Variants in TMTC2 observed in about 807,000 individuals in gnomAD.
The protein encoded by TMTC2 is protein O-mannosyl-transferase TMTC2.
A neutral mutation model predicts 82.4 loss-of-function variants in TMTC2; 43 were observed. That is an observed-to-expected ratio of 0.52 (90% CI 0.41 to 0.67). TMTC2 has a LOEUF of 0.67. Ranked by LOEUF, TMTC2 falls within the 30% of genes least tolerant of loss-of-function variation. The pLI, the probability that TMTC2 is intolerant of heterozygous loss-of-function variation, is 0.00. For missense variants in TMTC2, 919 were observed against 1,012.4 expected (o/e 0.91, Z 1.25); for synonymous variants, 408 against 381.9 (o/e 1.07, Z -0.80).
intron 1 of TMTC2, among the ~76,000 whole-genome samples, chr12:82,779,898 CA>C (rs567322455): frequency 2.0e-5 from 3 of 148,090 alleles, no homozygotes; most frequent in African/African-American, 2.5e-5. Flanking sequence ...GACTCCGTCT[CA>C]AAAAAAAAAT....
intron 8 of TMTC2, among the ~76,000 whole-genome samples, chr12:83,007,954 C>A (rs1357727792): frequency 6.6e-6 from 1 of 152,100 alleles, no homozygotes; most frequent in African/African-American, 2.4e-5. Flanking sequence ...CTACTCTCTT[C>A]TTGCTTGATG....
At chr12:82,913,584 AT>A (rs1458815635) in intron 3 of TMTC2, among the ~76,000 whole-genome samples, 1 of 152,132 alleles carries the variant, frequency 6.6e-6, no homozygotes, top group Non-Finnish European at 1.5e-5. Flanking sequence ...ATCTAGTCAT[AT>A]TTTTTAATTG....
intron 3 of TMTC2, among the ~76,000 whole-genome samples, chr12:82,908,201 C>T (rs1246301873): frequency 6.6e-6 from 1 of 152,040 alleles, no homozygotes; most frequent in Non-Finnish European, 1.5e-5. Flanking sequence ...TATGCATATA[C>T]ATCATATTTG....
rs1279841239 is a variant in TMTC2 at position 82,986,066 on chromosome 12, G to A, written c.2070+20G>A. 3 of 1,613,720 alleles carry A rather than the reference G, an allele frequency of 1.9e-6. No homozygotes were observed. Among genetic ancestry groups the A allele is most frequent in the Non-Finnish European group, 2.5e-6 (3 of 1,179,792 alleles). On this transcript the variant is annotated intron_variant, in intron 8 of 11. Transcript: ENST00000321196. The stretch of plus-strand genomic sequence containing the variant: ...CTAACAGTGAGTAACCGCCTTCCTT[G>A]GTCTTTAAAACTTGGTTTTCTCCAT...
chr12:82,697,334 CAA>C (rs367770708), intron 1 of TMTC2, among the ~76,000 whole-genome samples: 19 of 61,640 alleles, frequency 3.1e-4, no homozygotes, highest in Non-Finnish European at 3.9e-4. Flanking sequence ...CAGCCTGTCT[CAA>C]AAAAAAAAAA....
intron 1 of TMTC2, among the ~76,000 whole-genome samples, chr12:82,792,616 A>T (rs116231452): frequency 1.3e-5 from 2 of 151,974 alleles, no homozygotes; most frequent in African/African-American, 4.8e-5. Context: ...ACAGACGTGC[A>T]TCACCACACC....
At chr12:82,956,335 A>T (rs547361482) in intron 4 of TMTC2, among the ~76,000 whole-genome samples, 62 of 152,296 alleles carry the variant, frequency 4.1e-4, no homozygotes, top group African/African-American at 1.4e-3. Context: ...CAAGAGAAAC[A>T]TCTCACACAT....
At chr12:83,034,301 G>A (rs1182088363) in intron 9 of TMTC2, among the ~76,000 whole-genome samples, 1 of 152,044 alleles carries the variant, frequency 6.6e-6, no homozygotes, top group Non-Finnish European at 1.5e-5. Flanking sequence ...AAAGGGCTAC[G>A]TTCATACAGA....
In TMTC2 at chr12:82,930,513, C is replaced by A; in HGVS notation, c.1566C>A (p.Tyr522Ter). 6.2e-7 allele frequency: 1 copy of A among 1,600,026 alleles called. No homozygotes were observed. Among genetic ancestry groups the A allele is most frequent in the Non-Finnish European group, 8.6e-7 (1 of 1,169,382 alleles). The change falls in exon 4 of 12, where the codon TAC becomes TAA. Residue 522 changes from tyrosine to a stop codon, truncating the protein, a stop_gained. Transcript: ENST00000321196. LOFTEE classifies it high-confidence loss of function. ...GCGCCTATAGAAATGCTTTGTACTA[C>A]CGCAGCAACATGGCTGACATGCTTT... ...AESAYRNALY[Y>*]RSNMADMLYN...
intron 1 of TMTC2, among the ~76,000 whole-genome samples, chr12:82,755,633 A>G (rs1172585469): frequency 6.6e-6 from 1 of 152,194 alleles, no homozygotes; most frequent in Non-Finnish European, 1.5e-5. Flanking sequence ...AGCTGGAGAT[A>G]CAGAATCCTG....
At chr12:82,901,383 C>T (rs543814951) in intron 3 of TMTC2, among the ~76,000 whole-genome samples, 5 of 148,764 alleles carry the variant, frequency 3.4e-5, no homozygotes, top group East Asian at 4.0e-4. Flanking sequence ...TGGCTCACCA[C>T]GACCTCCGAC....
intron 10 of TMTC2, among the ~76,000 whole-genome samples, chr12:83,053,922 A>C (rs1245648257): frequency 6.6e-6 from 1 of 152,090 alleles, no homozygotes; most frequent in Admixed American, 6.6e-5. Flanking sequence ...TATTAATGTC[A>C]TTCAGAAAGT....
In TMTC2 at chr12:83,043,446, T is replaced by C. The variant is rs191815114; in HGVS notation, c.2153-7458T>C. 5.6e-4 allele frequency among the ~76,000 whole-genome samples: 86 copies of C among 152,346 alleles called. 1 individual carries two copies. Among genetic ancestry groups the C allele is most frequent in the African/African-American group, 1.7e-3 (70 of 41,596 alleles). ...CCAGTTAGCCCAATTACTTCCATCTTGGCTTTTCCCCATTTCTAATCATCA... is the reference window on the plus strand; with the variant it reads ...CCAGTTAGCCCAATTACTTCCATCTCGGCTTTTCCCCATTTCTAATCATCA... On this transcript the variant is annotated intron_variant, in intron 9 of 11. Coordinates refer to ENST00000321196, the MANE Select transcript of TMTC2 (RefSeq NM_152588.3).
intron 1 of TMTC2, among the ~76,000 whole-genome samples, chr12:82,729,769 C>T (rs937806795): frequency 6.6e-6 from 1 of 152,212 alleles, no homozygotes; most frequent in African/African-American, 2.4e-5. Flanking sequence ...GTTTTCCGTG[C>T]TGTGGTAGCT....
Position 83,132,490 on chromosome 12 carries a change from C to A in TMTC2, c.*101C>A. The A allele has an allele frequency of 7.4e-7, 1 of 1,357,810 alleles. No individual in the cohort carries two copies. The highest frequency in any genetic ancestry group is 1.0e-6 in the Non-Finnish European group (1 of 986,614). The allele number at this position is 1,357,810 out of a possible 1,614,324, so 84.1% of individuals were successfully genotyped here. On this transcript the variant is annotated 3_prime_UTR_variant, in exon 12 of 12. Transcript: ENST00000321196. ...TATGACAAGAGCTGGTGTTAGACTTCAAGACCAGGGCAGAGGTCATTGAGG... is the reference window on the plus strand; with the variant it reads ...TATGACAAGAGCTGGTGTTAGACTTAAAGACCAGGGCAGAGGTCATTGAGG...
At chr12:82,794,527 T>A (rs559281625) in intron 1 of TMTC2, among the ~76,000 whole-genome samples, 36 of 152,242 alleles carry the variant, frequency 2.4e-4, no homozygotes, top group African/African-American at 7.7e-4. Context: ...GTGTGTTTTA[T>A]TTTTTAACAG....
At chr12:82,827,063 A>G (rs1486471745) in intron 1 of TMTC2, among the ~76,000 whole-genome samples, 1 of 152,166 alleles carries the variant, frequency 6.6e-6, no homozygotes, top group Non-Finnish European at 1.5e-5. Context: ...TTTGACTTGA[A>G]TCTGGCTCCC....
intron 1 of TMTC2, among the ~76,000 whole-genome samples, chr12:82,805,452 A>G (rs1879195341): frequency 6.7e-6 from 1 of 150,004 alleles, no homozygotes; most frequent in Admixed American, 6.6e-5. Flanking sequence ...AGGAACCTCT[A>G]CATTACTTTT....
At chr12:83,016,033 A>C (rs1880662804) in intron 8 of TMTC2, among the ~76,000 whole-genome samples, 1 of 152,188 alleles carries the variant, frequency 6.6e-6, no homozygotes, top group African/African-American at 2.4e-5. Context: ...ATCTTTCTTT[A>C]TTTGTAAGTC....
Sources: allele counts gnomAD v4.1 joint callset (sites outside exome capture counted in the v4.1 genomes callset), GRCh38; gene constraint gnomAD v4.1.1; transcripts MANE v1.5; gene names NCBI Gene and HGNC (gene_info 2026-07-23, HGNC 2026-07-21).